Variants in COL6A5 observed in about 807,000 individuals in gnomAD.
COL6A5 encodes the protein collagen alpha-5(VI) chain.
COL6A5 carries 48 observed loss-of-function variants against 65.6 expected under a neutral mutation model. The observed-to-expected ratio is 0.73, with a 90% CI of 0.58 to 0.93. COL6A5 has a LOEUF of 0.93. Ranked by LOEUF, COL6A5 falls within the 40% of genes least tolerant of loss-of-function variation. The pLI, the probability that COL6A5 is intolerant of heterozygous loss-of-function variation, is 0.00. For synonymous variants in COL6A5, 291 were observed against 322.8 expected, an observed-to-expected ratio of 0.90 and a Z score of 1.05; for missense variants, 914 against 928.3, an observed-to-expected ratio of 0.98 and a Z score of 0.20.
intron 3 of COL6A5, 48 bp downstream of exon 3, chr3:130,376,884 A>G (rs1409079731): frequency 6.6e-7 from 1 of 1,518,396 alleles, no homozygotes; most frequent in South Asian, 1.3e-5. Context: ...AGGTGGGTCT[A>G]CATCTGTCCA....
intron 1 of COL6A5, among the ~76,000 whole-genome samples, chr3:130,437,932 T>C (rs189485074): frequency 6.6e-6 from 1 of 152,316 alleles, no homozygotes; most frequent in East Asian, 1.9e-4. Flanking sequence ...TTTACTTTTT[T>C]ATTATGTTGA....
chr3:130,393,123 G>A (rs1464893397), intron 7 of COL6A5, among the ~76,000 whole-genome samples: 1 of 149,250 alleles, frequency 6.7e-6, no homozygotes, highest in African/African-American at 2.5e-5. Context: ...AGGCCTCCCT[G>A]TGCCCTTGGG....
At chr3:130,440,108 A>T (rs766859179) in intron 2 of COL6A5, 58 bp from the exon 35 acceptor site, 4 of 1,376,970 alleles carry the variant, frequency 2.9e-6, no homozygotes, top group Non-Finnish European at 3.0e-6. Context: ...AAGATCTCAA[A>T]CAAGTGTCTT....
intron 1 of COL6A5, among the ~76,000 whole-genome samples, chr3:130,357,551 C>T (rs929173362): frequency 3.3e-5 from 5 of 152,068 alleles, no homozygotes; most frequent in African/African-American, 1.2e-4. Context: ...TGCAAAATTC[C>T]CGAATCAAAT....
chr3:130,392,757 C>G (rs1298772862), intron 7 of COL6A5, among the ~76,000 whole-genome samples: 1 of 152,198 alleles, frequency 6.6e-6, no homozygotes, highest in Non-Finnish European at 1.5e-5. Flanking sequence ...AATCCTGTGT[C>G]AGATCAGCAT....
chr3:130,470,949 G>A (rs1308042542), exon 7 of COL6A5: 1 of 1,611,722 alleles, frequency 6.2e-7, no homozygotes, highest in Admixed American at 1.7e-5. Flanking sequence ...GAGAACGGTG[G>A]CACAGAAAAC....
intron 1 of COL6A5, among the ~76,000 whole-genome samples, chr3:130,361,645 A>G (rs907981263): frequency 6.6e-6 from 1 of 152,086 alleles, no homozygotes; most frequent in Admixed American, 6.5e-5. Context: ...GTAAGAAACT[A>G]TTGAATTGTC....
intron 7 of COL6A5, among the ~76,000 whole-genome samples, chr3:130,472,832 C>CATACATATATATATATATAT (rs1709988585): frequency 2.0e-5 from 2 of 99,404 alleles, no homozygotes; most frequent in East Asian, 7.3e-4. Context: ...TGTGTGTATA[C>CATACATATATATATATATAT]ATATATATAT....
chr3:130,356,872 A>C (rs1013775225), intron 1 of COL6A5, among the ~76,000 whole-genome samples: 1 of 152,214 alleles, frequency 6.6e-6, no homozygotes, highest in African/African-American at 2.4e-5. Context: ...GCGTTGCCTC[A>C]AAAAGCTCTT....
intron 22 of COL6A5, among the ~76,000 whole-genome samples, chr3:130,414,733 G>A (rs1171461348): frequency 6.6e-6 from 1 of 152,052 alleles, no homozygotes; most frequent in African/African-American, 2.4e-5. Flanking sequence ...GTCATCTTAT[G>A]AAGCCCACTT....
At chr3:130,446,637 G>C (rs144779589) in intron 4 of COL6A5, among the ~76,000 whole-genome samples, 45 of 152,240 alleles carry the variant, frequency 3.0e-4, no homozygotes, top group African/African-American at 9.6e-4. Context: ...CACCACGTCT[G>C]AGGGCAGTCT....
chr3:130,421,880 A>G (rs998623619), intron 27 of COL6A5, among the ~76,000 whole-genome samples: 4 of 152,118 alleles, frequency 2.6e-5, no homozygotes, highest in Non-Finnish European at 5.9e-5. Flanking sequence ...CCTGCCAGAT[A>G]GAAATCCATC....
exon 6 of COL6A5, chr3:130,388,626 T>C (rs753438641): frequency 6.4e-7 from 1 of 1,550,804 alleles, no homozygotes; most frequent in Non-Finnish European, 8.7e-7. Context: ...TGGACAGTTC[T>C]TGGAGTATAG....
chr3:130,459,671 C>G (rs746612746), intron 5 of COL6A5, among the ~76,000 whole-genome samples: 5 of 152,078 alleles, frequency 3.3e-5, no homozygotes, highest in Non-Finnish European at 5.9e-5. Context: ...GACAGGCTCT[C>G]TACTTCTACA....
At chr3:130,362,806 G>C (rs897813263) in intron 1 of COL6A5, among the ~76,000 whole-genome samples, 1 of 151,998 alleles carries the variant, frequency 6.6e-6, no homozygotes, top group Non-Finnish European at 1.5e-5. Context: ...AACTTCCCTG[G>C]CTCTGAAGTT....
chr3:130,459,247 G>C (rs1351003561), intron 5 of COL6A5, among the ~76,000 whole-genome samples: 2 of 152,058 alleles, frequency 1.3e-5, no homozygotes, highest in Admixed American at 1.3e-4. Flanking sequence ...TTCAGACTAA[G>C]CTGGAGTTAT....
chr3:130,388,578 AG>A lies in COL6A5; in HGVS notation c.1862del, dbSNP rs1559872829. The A allele has an allele frequency of 3.3e-6, 5 of 1,520,744 alleles. No homozygotes were observed. In the Admixed American group the frequency reaches 8.9e-5, roughly 27 times the overall value. The allele number at this position is 1,520,744 out of a possible 1,614,324, so 94.2% of individuals were successfully genotyped here. A position where few individuals can be genotyped will look rare whatever the true frequency, so the allele number is the denominator to read the frequency against. On this transcript the variant is annotated splice_acceptor_variant and NMD_transcript_variant, in intron 5 of 41. Transcript: ENST00000312481. ...TCTGGTCTTTTTTTTTATAACATGC[AG>A]GATGTGAAGACATGAAGGCCGACAT...
chr3:130,450,327 G>A (rs893019259), intron 4 of COL6A5, among the ~76,000 whole-genome samples: 11 of 152,114 alleles, frequency 7.2e-5, no homozygotes, highest in African/African-American at 1.2e-4. Flanking sequence ...TTGCGACAAC[G>A]TGGGCAAACA....
intron 4 of COL6A5, among the ~76,000 whole-genome samples, chr3:130,447,880 G>C (rs1444145489): frequency 6.6e-6 from 1 of 152,170 alleles, no homozygotes; most frequent in African/African-American, 2.4e-5. Flanking sequence ...ATGGCCTTAG[G>C]AATGGGTTGA....
Sources: gnomAD v4.1 joint callset for allele counts (sites outside exome capture counted in the v4.1 genomes callset) on GRCh38, gnomAD v4.1.1 for gene constraint, MANE v1.5 for transcripts, NCBI Gene and HGNC (gene_info 2026-07-23, HGNC 2026-07-21) for gene names.